RTN4: variants seen among roughly 807,000 people sequenced by gnomAD.
RTN4 encodes reticulon-4.
RTN4 carries 32 observed loss-of-function variants against 90.4 expected under a neutral mutation model. The observed-to-expected ratio is 0.35, with a 90% CI of 0.27 to 0.48. The LOEUF (loss-of-function observed/expected upper bound fraction) is 0.48, where lower values mean the gene tolerates loss of function less well. Ranked by LOEUF, RTN4 falls within the 20% of genes least tolerant of loss-of-function variation. The pLI, the probability that RTN4 is intolerant of heterozygous loss-of-function variation, is 0.99. For missense variants in RTN4, 1,706 were observed against 1,430.2 expected (o/e 1.19, Z -3.11); for synonymous variants, 629 against 552.5 (o/e 1.14, Z -1.94).
chr2:55,091,738 T>C (rs983978825), intron 1 of RTN4, among the ~76,000 whole-genome samples: 4 of 151,916 alleles, frequency 2.6e-5, no homozygotes, highest in South Asian at 2.1e-4. Context: ...TACCCAAAAC[T>C]AGGAAGAAAA....
At chr2:55,098,753 TC>T in intron 1 of RTN4, among the ~76,000 whole-genome samples, 1 of 152,234 alleles carries the variant, frequency 6.6e-6, no homozygotes, top group Admixed American at 6.6e-5. Flanking sequence ...TCTATAGGTT[TC>T]CCCCTGAACC....
Position 55,049,903 on chromosome 2 carries a change from A to G in RTN4, c.398T>C (p.Leu133Pro). 1 of 1,327,216 alleles carries G rather than the reference A, an allele frequency of 7.5e-7. No individual in the cohort carries two copies. The highest frequency in any genetic ancestry group is 2.0e-5 in the South Asian group (1 of 50,356). The allele number at this position is 1,327,216 out of a possible 1,614,324, so 82.2% of individuals were successfully genotyped here. The change falls in exon 1 of 9, where the codon CTC becomes CCC. Residue 133 changes from leucine to proline, a missense_variant. Transcript: ENST00000337526. Reference protein sequence around the residue: ...LSAAAVSPSKLPEDDEPPARP... With the variant: ...LSAAAVSPSKPPEDDEPPARP... The stretch of plus-strand genomic sequence containing the variant: ...GGCCGGAGGCTCGTCGTCCTCAGGG[A>G]GCTTGGAGGGCGAGACTGCGGCAGC...
intron 1 of RTN4, among the ~76,000 whole-genome samples, chr2:55,100,465 A>G (rs889013049): frequency 6.6e-6 from 1 of 152,112 alleles, no homozygotes; most frequent in African/African-American, 2.4e-5. Flanking sequence ...GCCATTTGCC[A>G]TAATTCTTTC....
At chr2:55,008,847 G>C (rs899311035) in intron 3 of RTN4, among the ~76,000 whole-genome samples, 1 of 152,026 alleles carries the variant, frequency 6.6e-6, no homozygotes, top group East Asian at 1.9e-4. Context: ...ATTATCATTT[G>C]TATCATTTTC....
intron 1 of RTN4, among the ~76,000 whole-genome samples, chr2:55,099,951 G>T (rs1432140446): frequency 2.0e-5 from 3 of 152,006 alleles, no homozygotes; most frequent in Non-Finnish European, 4.4e-5. Context: ...TACACTGTGG[G>T]TCAACTGATA....
intron 1 of RTN4, among the ~76,000 whole-genome samples, chr2:55,098,136 G>T (rs770264584): frequency 1.3e-5 from 2 of 151,982 alleles, no homozygotes. Context: ...TTAGATTAGG[G>T]CTAGTGTTGT....
intron 1 of RTN4, among the ~76,000 whole-genome samples, chr2:55,104,594 A>G (rs1485716600): frequency 6.6e-6 from 1 of 151,756 alleles, no homozygotes; most frequent in Non-Finnish European, 1.5e-5. Context: ...CACGTGATCC[A>G]CCTGCCTCAG....
intron 3 of RTN4, among the ~76,000 whole-genome samples, chr2:54,992,873 T>A (rs976779869): frequency 6.6e-6 from 1 of 151,212 alleles, no homozygotes; most frequent in African/African-American, 2.4e-5. Flanking sequence ...ATCGAGACCA[T>A]CCTTCCTAAC....
In RTN4 at chr2:55,025,688, T is replaced by C; in HGVS notation, c.2411A>G (p.Lys804Arg). 1.2e-6 allele frequency: 2 copies of C among 1,613,834 alleles called. No individual in the cohort carries two copies. Among genetic ancestry groups the C allele is most frequent in the Non-Finnish European group, 1.7e-6 (2 of 1,179,828 alleles). The change falls in exon 3 of 9, where the codon AAG (lysine) becomes AGG (arginine). Residue 804 changes from lysine to arginine, a missense_variant. Coordinates refer to ENST00000337526, the MANE Select transcript of RTN4 (RefSeq NM_020532.5). ...EGGKPYLESF[K>R]LSLDNTKDTL... The stretch of plus-strand genomic sequence containing the variant: ...ATCTTTTGTGTTATCTAAACTGAGC[T>C]TAAAAGATTCCAAATATGGCTTTCC...
chr2:55,006,587 G>GT (rs1174506800), intron 3 of RTN4, among the ~76,000 whole-genome samples: 1 of 152,118 alleles, frequency 6.6e-6, no homozygotes, highest in Non-Finnish European at 1.5e-5. Flanking sequence ...ATTATATTGA[G>GT]TTTTAATGCT....
upstream of RTN4, among the ~76,000 whole-genome samples, chr2:55,055,174 G>A (rs1023143691): frequency 6.6e-6 from 1 of 151,650 alleles, no homozygotes; most frequent in African/African-American, 2.4e-5. Context: ...TTTCCCTGGA[G>A]AAATTTATTT....
chr2:54,979,357 C>T (rs962088158), intron 5 of RTN4, among the ~76,000 whole-genome samples: 7 of 152,172 alleles, frequency 4.6e-5, no homozygotes, highest in African/African-American at 1.7e-4. Context: ...TGTGCATGGC[C>T]AGGAAAACCT....
At chr2:55,118,811 G>A in the RTN4 span, among the ~76,000 whole-genome samples, 1 of 152,192 alleles carries the variant, frequency 6.6e-6, no homozygotes, top group South Asian at 2.1e-4. Flanking sequence ...TCTGTTCCCT[G>A]CTGTTCTGAT....
At chr2:55,121,704 G>A in the RTN4 span, among the ~76,000 whole-genome samples, 2 of 152,172 alleles carry the variant, frequency 1.3e-5, no homozygotes, top group African/African-American at 4.8e-5. Context: ...ACCAGGGAAG[G>A]AGGAAGGAAA....
chr2:55,013,691 C>T (rs1188338154), intron 3 of RTN4, among the ~76,000 whole-genome samples: 1 of 151,220 alleles, frequency 6.6e-6, no homozygotes, highest in Non-Finnish European at 1.5e-5. Context: ...GATTTTAGAA[C>T]AGGCAGCACT....
At chr2:54,973,685 G>A (rs1677345035) in intron 7 of RTN4, 64 bp from the exon 8 acceptor site, 1 of 1,507,706 alleles carries the variant, frequency 6.6e-7, no homozygotes, top group Non-Finnish European at 9.2e-7. Context: ...ACTACTATGT[G>A]TCAAGCTAAA....
At chr2:54,999,437 G>T (rs1191488687) in intron 3 of RTN4, among the ~76,000 whole-genome samples, 1 of 152,086 alleles carries the variant, frequency 6.6e-6, no homozygotes, top group Non-Finnish European at 1.5e-5. Flanking sequence ...CCGAAGTCAG[G>T]TTTCAATTTT....
At chr2:55,110,607 A>C (rs1668021095) in intron 1 of RTN4, among the ~76,000 whole-genome samples, 1 of 152,248 alleles carries the variant, frequency 6.6e-6, no homozygotes, top group South Asian at 2.1e-4. Context: ...GACCAATGTC[A>C]ATCTATCTGA....
rs764253869 is a variant in RTN4, at chr2:55,026,802, T to C, written c.1297A>G (p.Asn433Asp). Residue 433 changes from asparagine to aspartate, a missense_variant, in exon 3 of 9, where the codon AAT becomes GAT. Coordinates refer to ENST00000337526, the MANE Select transcript of RTN4 (RefSeq NM_020532.5). ...CTACTCTCACTATCTTTTTCGTGAT[T>C]AGTTTGCTCAAGGCTATCTGCAAAA... ...KCFADSLEQT[N>D]HEKDSESSND... The C allele has an allele frequency of 3.7e-6, 6 of 1,614,018 alleles. No individual in the cohort carries two copies. The highest frequency in any genetic ancestry group is 5.1e-6 in the Non-Finnish European group (6 of 1,179,916).
Sources: gnomAD v4.1 joint callset for allele counts (sites outside exome capture counted in the v4.1 genomes callset) on GRCh38, gnomAD v4.1.1 for gene constraint, MANE v1.5 for transcripts, NCBI Gene and HGNC (gene_info 2026-07-23, HGNC 2026-07-21) for gene names.